Variants in RALGDS observed in about 807,000 individuals in gnomAD.
The protein encoded by RALGDS is ral guanine nucleotide exchange factor.
A neutral mutation model predicts 99.8 loss-of-function variants in RALGDS; 44 were observed. The observed-to-expected ratio is 0.44, with a 90% confidence interval of 0.35 to 0.57. RALGDS has a LOEUF of 0.57. Ranked by LOEUF, RALGDS falls within the 20% of genes least tolerant of loss-of-function variation. The probability of loss-of-function intolerance (pLI) is 0.01; values close to 1 mark genes in which losing one functional copy is unlikely to be tolerated. For missense variants in RALGDS, 1,022 were observed against 1,203.1 expected (o/e 0.85, Z 2.23); for synonymous variants, 529 against 505.0 (o/e 1.05, Z -0.64).
At chr9:133,132,365 ACC>A (rs200857340), upstream of RALGDS, among the ~76,000 whole-genome samples, 1,314 of 152,030 alleles carry the variant, frequency 8.6e-3, 9 homozygotes, top group Non-Finnish European at 0.014. Context: ...TCGGCCTCTC[ACC>A]CCGGTGTTGC....
At chr9:133,103,873 C>T in intron 10 of RALGDS, 40 bp from the exon 11 acceptor site, 1 of 1,584,840 alleles carries the variant, frequency 6.3e-7, no homozygotes, top group Non-Finnish European at 8.7e-7. Context: ...GGCCCCTCCC[C>T]TGAAGGCTTT....
At chr9:133,123,356 A>T (rs1310236582), upstream of RALGDS, among the ~76,000 whole-genome samples, 1 of 152,210 alleles carries the variant, frequency 6.6e-6, no homozygotes, top group East Asian at 1.9e-4. Flanking sequence ...CAGAAGGACA[A>T]GTGACTCATG....
chr9:133,127,991 A>T (rs962359232), intron 1 of RALGDS, among the ~76,000 whole-genome samples: 1 of 152,194 alleles, frequency 6.6e-6, no homozygotes, highest in Non-Finnish European at 1.5e-5. Context: ...CCCTGCTGTC[A>T]TCCCTTGGAA....
intron 4 of RALGDS, among the ~76,000 whole-genome samples, 179 bp downstream of exon 4, chr9:133,109,447 C>G (rs1165628385): frequency 6.6e-6 from 1 of 152,206 alleles, no homozygotes; most frequent in Non-Finnish European, 1.5e-5. Flanking sequence ...CTCCACAGCT[C>G]TCGGTCGTCT....
chr9:133,124,962 C>T (rs1046672167), upstream of RALGDS, among the ~76,000 whole-genome samples: 3 of 152,236 alleles, frequency 2.0e-5, no homozygotes, highest in Admixed American at 1.3e-4. Flanking sequence ...CAACACACCA[C>T]AAGGGTGCAA....
chr9:133,148,974 C>A (rs775082330), exon 1 of RALGDS: 3 of 1,599,762 alleles, frequency 1.9e-6, no homozygotes, highest in Non-Finnish European at 2.6e-6. Context: ...TGGCAATCTA[C>A]CATCATCCTC....
At position 133,108,390 on chromosome 9, in the gene RALGDS, TGGCAC is replaced by T; in HGVS notation, c.790_794del (p.Val264SerfsTer112). The T allele has an allele frequency of 6.5e-7, 1 of 1,536,848 alleles. No individual in the cohort carries two copies. Among genetic ancestry groups the T allele is most frequent in the Non-Finnish European group, 8.7e-7 (1 of 1,146,844 alleles). On this transcript the variant is annotated frameshift_variant, in exon 6 of 18. Transcript: ENST00000372050. LOFTEE classifies it high-confidence loss of function. ...CGAGCTCTGGAGTTGGTTTTAGAGC[TGGCAC>T]TGGTGACAGAGCTGCAAGAGGAGAA...
intron 14 of RALGDS, 102 bp downstream of exon 14, chr9:133,102,372 TAG>T (rs1830797584): frequency 7.5e-7 from 1 of 1,327,628 alleles, no homozygotes; most frequent in Non-Finnish European, 1.1e-6. Context: ...AGCAGCAGGG[TAG>T]GATTCCAGGG....
chr9:133,137,988 A>T (rs986788335), intron 1 of RALGDS, among the ~76,000 whole-genome samples: 2 of 152,196 alleles, frequency 1.3e-5, no homozygotes. Context: ...AACCAGGACA[A>T]ACGGGCCCTT....
chr9:133,126,118 C>T (rs1718226577), upstream of RALGDS, among the ~76,000 whole-genome samples: 1 of 152,190 alleles, frequency 6.6e-6, no homozygotes, highest in Non-Finnish European at 1.5e-5. Context: ...TCACTAAGCA[C>T]TGCCCGGAAG....
chr9:133,124,435 G>A (rs1252868980), upstream of RALGDS, among the ~76,000 whole-genome samples: 3 of 152,134 alleles, frequency 2.0e-5, no homozygotes, highest in Non-Finnish European at 4.4e-5. Context: ...GTAACCCAGA[G>A]CTTAGGGAGG....
intron 6 of RALGDS, 122 bp from the exon 7 acceptor site, chr9:133,107,422 G>T (rs1198162793): frequency 9.9e-6 from 9 of 912,212 alleles, no homozygotes; most frequent in Admixed American, 6.0e-5. Flanking sequence ...TCCATGCAGG[G>T]TGCCCAGCAC....
chr9:133,122,491 T>C (rs962066994), upstream of RALGDS, among the ~76,000 whole-genome samples: 3 of 152,126 alleles, frequency 2.0e-5, no homozygotes, highest in African/African-American at 7.2e-5. Flanking sequence ...CCTTCCCAAG[T>C]GCCAATCCTC....
intron 1 of RALGDS, among the ~76,000 whole-genome samples, chr9:133,127,180 G>A (rs913989676): frequency 2.0e-5 from 3 of 152,254 alleles, no homozygotes; most frequent in Non-Finnish European, 4.4e-5. Context: ...GGACCTTCAA[G>A]TCGGGACCCA....
chr9:133,103,579 A>G, intron 11 of RALGDS, 168 bp downstream of exon 11: 2 of 791,004 alleles, frequency 2.5e-6, no homozygotes, highest in Admixed American at 3.7e-5. Context: ...GCTGTGTCCC[A>G]CTCAGCCAAA....
At chr9:133,143,777 CAACAACAACAATAATAAT>C (rs1391566870) in intron 1 of RALGDS, among the ~76,000 whole-genome samples, 45 of 114,502 alleles carry the variant, frequency 3.9e-4, no homozygotes, top group African/African-American at 1.6e-3. Flanking sequence ...ATAATAACAA[CAACAACAACAATAATAAT>C]AATAATAATA....
chr9:133,133,337 G>A (rs1387685835), upstream of RALGDS, among the ~76,000 whole-genome samples: 2 of 152,214 alleles, frequency 1.3e-5, no homozygotes, highest in Non-Finnish European at 2.9e-5. Flanking sequence ...CAGCTGCCAC[G>A]CAGAAATGCA....
chr9:133,134,450 C>T (rs1038299094), upstream of RALGDS, among the ~76,000 whole-genome samples: 1 of 152,210 alleles, frequency 6.6e-6, no homozygotes, highest in East Asian at 1.9e-4. Flanking sequence ...AAAGATGAGG[C>T]CACAGTCATC....
chr9:133,105,363 G>A (rs1161058809), intron 9 of RALGDS, among the ~76,000 whole-genome samples: 2 of 152,154 alleles, frequency 1.3e-5, no homozygotes, highest in African/African-American at 4.8e-5. Flanking sequence ...GGTGCCATGG[G>A]AAGAATTCTA....
Sources: gnomAD v4.1 joint callset for allele counts (sites outside exome capture counted in the v4.1 genomes callset) on GRCh38, gnomAD v4.1.1 for gene constraint, MANE v1.5 for transcripts, NCBI Gene and HGNC (gene_info 2026-07-23, HGNC 2026-07-21) for gene names.